Variants in GALNTL6 observed in about 807,000 individuals in gnomAD.
GALNTL6 encodes the protein polypeptide N-acetylgalactosaminyltransferase like 6, also known as polypeptide N-acetylgalactosaminyltransferase-like 6.
A neutral mutation model predicts 73.7 loss-of-function variants in GALNTL6; 46 were observed. That is an observed-to-expected ratio of 0.62 (90% CI 0.49 to 0.80). The LOEUF is 0.80. Among genes scored for constraint, GALNTL6 ranks in the 30% least tolerant of loss-of-function variants. The pLI, the probability that GALNTL6 is intolerant of heterozygous loss-of-function variation, is 0.00. For synonymous variants in GALNTL6, 259 were observed against 263.7 expected (o/e 0.98, Z 0.17); for missense variants, 604 against 755.0 (o/e 0.80, Z 2.34).
intron 5 of GALNTL6, among the ~76,000 whole-genome samples, chr4:172,499,098 G>T (rs1734170676): frequency 6.6e-6 from 1 of 152,058 alleles, no homozygotes; most frequent in South Asian, 2.1e-4. Flanking sequence ...CCAGGAGATG[G>T]CTAAGAATAA....
At chr4:172,725,687 T>C (rs914455370) in intron 5 of GALNTL6, among the ~76,000 whole-genome samples, 1 of 152,322 alleles carries the variant, frequency 6.6e-6, no homozygotes, top group African/African-American at 2.4e-5. Flanking sequence ...TTTAACAATC[T>C]TGCGTTCTGC....
At chr4:172,419,672 GACAT>G (rs1489895829) in intron 5 of GALNTL6, among the ~76,000 whole-genome samples, 1 of 152,088 alleles carries the variant, frequency 6.6e-6, no homozygotes, top group Non-Finnish European at 1.5e-5. Context: ...AAGTGAGGAC[GACAT>G]ACATTTTAAT....
At chr4:172,425,586 G>A (rs191166670) in intron 5 of GALNTL6, among the ~76,000 whole-genome samples, 24 of 152,118 alleles carry the variant, frequency 1.6e-4, no homozygotes, top group Non-Finnish European at 2.1e-4. Flanking sequence ...CATGACTGAT[G>A]CTGTCTATCA....
chr4:172,201,216 T>C (rs1579247132), intron 2 of GALNTL6, among the ~76,000 whole-genome samples: 1 of 152,150 alleles, frequency 6.6e-6, no homozygotes, highest in Non-Finnish European at 1.5e-5. Flanking sequence ...TTGTTTTGTT[T>C]TGTTGTTTTG....
chr4:172,827,652 G>T (rs1400669313), intron 7 of GALNTL6, among the ~76,000 whole-genome samples: 2 of 151,954 alleles, frequency 1.3e-5, no homozygotes, highest in Non-Finnish European at 2.9e-5. Context: ...ACAAATCATT[G>T]CTCTTGCAAA....
chr4:172,241,319 A>G (rs983255119), intron 3 of GALNTL6, among the ~76,000 whole-genome samples: 2 of 152,204 alleles, frequency 1.3e-5, no homozygotes, highest in African/African-American at 4.8e-5. Context: ...GTTGTTAAAT[A>G]CTAGAGGTGA....
intron 5 of GALNTL6, among the ~76,000 whole-genome samples, chr4:172,422,711 T>TA (rs1454363110): frequency 6.6e-6 from 1 of 151,844 alleles, no homozygotes; most frequent in East Asian, 2.0e-4. Context: ...TTTACAGGTC[T>TA]AATGGATAAT....
At chr4:172,798,398 T>C (rs1740407938) in intron 5 of GALNTL6, among the ~76,000 whole-genome samples, 1 of 152,160 alleles carries the variant, frequency 6.6e-6, no homozygotes, top group South Asian at 2.1e-4. Flanking sequence ...TGGTGAGATC[T>C]CATGGGTTGT....
At chr4:172,440,431 G>A (rs1432260358) in intron 5 of GALNTL6, among the ~76,000 whole-genome samples, 1 of 152,102 alleles carries the variant, frequency 6.6e-6, no homozygotes, top group Non-Finnish European at 1.5e-5. Context: ...AATGGAAAAG[G>A]CAAAACTATG....
At chr4:172,488,971 A>G (rs1256128482) in intron 5 of GALNTL6, among the ~76,000 whole-genome samples, 3 of 152,194 alleles carry the variant, frequency 2.0e-5, no homozygotes, top group African/African-American at 4.8e-5. Context: ...TATCCATTCC[A>G]TTCGTCTACT....
intron 5 of GALNTL6, among the ~76,000 whole-genome samples, chr4:172,403,113 A>G (rs1053573666): frequency 5.9e-5 from 9 of 152,036 alleles, no homozygotes; most frequent in African/African-American, 2.2e-4. Flanking sequence ...AAGATATGGC[A>G]TTGTTCGTTT....
At chr4:171,934,734 T>G (rs1738290896) in intron 2 of GALNTL6, among the ~76,000 whole-genome samples, 2 of 152,116 alleles carry the variant, frequency 1.3e-5, no homozygotes, top group South Asian at 4.1e-4. Flanking sequence ...TCTTTTAGAT[T>G]TTTCACTAAC....
intron 4 of GALNTL6, among the ~76,000 whole-genome samples, chr4:172,345,254 A>G (rs1226802211): frequency 6.6e-6 from 1 of 152,182 alleles, no homozygotes; most frequent in Non-Finnish European, 1.5e-5. Context: ...TATTTGATAC[A>G]TAATCATCAG....
chr4:171,818,986 A>G (rs578213042), intron 2 of GALNTL6, among the ~76,000 whole-genome samples: 11 of 151,430 alleles, frequency 7.3e-5, no homozygotes, highest in Admixed American at 6.6e-4. Flanking sequence ...AGTGTATGCA[A>G]ACTGTCTTAG....
chr4:172,175,518 A>G (rs1023788761), intron 2 of GALNTL6, among the ~76,000 whole-genome samples: 4 of 152,184 alleles, frequency 2.6e-5, no homozygotes, highest in African/African-American at 9.7e-5. Context: ...ATGAGTCAAA[A>G]TTTTAAAAAA....
chr4:172,924,163 G>A (rs1416485602), intron 8 of GALNTL6, among the ~76,000 whole-genome samples: 3 of 152,148 alleles, frequency 2.0e-5, no homozygotes, highest in South Asian at 2.1e-4. Context: ...CTCAGGGTGC[G>A]CCTGGCCCAT....
At chr4:172,142,971 T>C (rs936989658) in intron 2 of GALNTL6, among the ~76,000 whole-genome samples, 54 of 152,118 alleles carry the variant, frequency 3.5e-4, no homozygotes, top group African/African-American at 1.2e-3. Flanking sequence ...CCAATTCAGA[T>C]ATTCTCATAT....
At chr4:172,171,689 A>AT (rs1560952397) in intron 2 of GALNTL6, among the ~76,000 whole-genome samples, 2 of 151,560 alleles carry the variant, frequency 1.3e-5, no homozygotes, top group Admixed American at 6.6e-5. Flanking sequence ...AAAAAAAAAA[A>AT]ATTAGCCGGG....
chr4:172,590,043 C>A (rs1737574150), intron 5 of GALNTL6, among the ~76,000 whole-genome samples: 1 of 152,194 alleles, frequency 6.6e-6, no homozygotes, highest in Non-Finnish European at 1.5e-5. Flanking sequence ...TTTACTATTA[C>A]TTGTTAATGC....
Sources: gnomAD v4.1 joint callset for allele counts (sites outside exome capture counted in the v4.1 genomes callset) on GRCh38, gnomAD v4.1.1 for gene constraint, MANE v1.5 for transcripts, NCBI Gene and HGNC (gene_info 2026-07-23, HGNC 2026-07-21) for gene names.